GRAMD1C: variants seen among roughly 807,000 people sequenced by gnomAD.
GRAMD1C encodes GRAM domain containing 1C.
Under a neutral mutation model 97.8 loss-of-function variants are expected in GRAMD1C, and 89 were observed. That is an observed-to-expected ratio of 0.91 (90% CI 0.77 to 1.09). The LOEUF is 1.09. GRAMD1C is among the 50% of genes least tolerant of loss of function. The pLI, the probability that GRAMD1C is intolerant of heterozygous loss-of-function variation, is 0.00. For missense variants in GRAMD1C, 740 were observed against 766.4 expected (o/e 0.97, Z 0.41); for synonymous variants, 256 against 267.0 (o/e 0.96, Z 0.40).
chr3:113,924,000 A>G (rs182868221), intron 10 of GRAMD1C, among the ~76,000 whole-genome samples: 41 of 150,726 alleles, frequency 2.7e-4, no homozygotes, highest in Middle Eastern at 3.4e-3. Context: ...TCCTGGCTCA[A>G]TCTTGGGAGG....
chr3:113,899,605 A>G (rs998859176), intron 6 of GRAMD1C, among the ~76,000 whole-genome samples: 1 of 152,216 alleles, frequency 6.6e-6, no homozygotes, highest in Non-Finnish European at 1.5e-5. Flanking sequence ...CTTACTAACA[A>G]TTGCTTCAAG....
chr3:113,888,614 A>G (rs898227025), intron 6 of GRAMD1C, among the ~76,000 whole-genome samples: 19 of 152,228 alleles, frequency 1.2e-4, no homozygotes, highest in African/African-American at 4.1e-4. Flanking sequence ...CAAGTTGTAT[A>G]CCTTAAATAT....
intron 2 of GRAMD1C, among the ~76,000 whole-genome samples, chr3:113,867,665 C>G (rs1391006660): frequency 6.6e-6 from 1 of 152,108 alleles, no homozygotes; most frequent in Non-Finnish European, 1.5e-5. Flanking sequence ...GAGTCACCCG[C>G]AAATTATACT....
At chr3:113,880,408 G>A (rs968257083) in intron 5 of GRAMD1C, among the ~76,000 whole-genome samples, 1 of 151,096 alleles carries the variant, frequency 6.6e-6, no homozygotes, top group African/African-American at 2.4e-5. Flanking sequence ...GTTGTTTTTC[G>A]GCTCTCCTTT....
intron 10 of GRAMD1C, chr3:113,920,129 C>G: frequency 7.2e-7 from 1 of 1,396,980 alleles, no homozygotes; most frequent in Non-Finnish European, 1.0e-6. Flanking sequence ...ACTGAGGAAA[C>G]AGAGAAAAAA....
rs1459879022 is a variant in GRAMD1C at position 113,844,740 on chromosome 3, T to C, written c.174+91T>C. On this transcript the variant is annotated intron_variant, in intron 2 of 17. Coordinates refer to ENST00000358160, the MANE Select transcript of GRAMD1C (RefSeq NM_017577.5). ...TCATATAGTATTTGTAAAATTTCCT[T>C]CTTAGCTTCTAGATTTTAGATGTTT... The C allele has an allele frequency of 5.7e-6, 5 of 871,036 alleles. No individual in the cohort carries two copies. In the East Asian group the frequency reaches 8.1e-5, roughly 14 times the overall value. The allele number at this position is 871,036 out of a possible 1,614,324, so 54.0% of individuals were successfully genotyped here. A position where few individuals can be genotyped will look rare whatever the true frequency, so the allele number is the denominator to read the frequency against.
intron 9 of GRAMD1C, among the ~76,000 whole-genome samples, chr3:113,913,853 G>A (rs1936703693): frequency 6.6e-6 from 1 of 152,186 alleles, no homozygotes; most frequent in Non-Finnish European, 1.5e-5. Context: ...ATGAACTGAA[G>A]TGACATTTGA....
At chr3:113,924,684 T>A (rs1015679785) in intron 10 of GRAMD1C, among the ~76,000 whole-genome samples, 2 of 152,194 alleles carry the variant, frequency 1.3e-5, no homozygotes, top group African/African-American at 4.8e-5. Flanking sequence ...GTTTAATGGC[T>A]GATTGTGTGG....
intron 6 of GRAMD1C, among the ~76,000 whole-genome samples, chr3:113,895,618 T>C (rs1935906763): frequency 6.6e-6 from 1 of 152,212 alleles, no homozygotes; most frequent in South Asian, 2.1e-4. Flanking sequence ...AAAAAATGAA[T>C]ATGAAATTGG....
In GRAMD1C at chr3:113,838,889, G is replaced by A; in HGVS notation, c.-21G>A. The A allele has an allele frequency of 8.1e-7, 1 of 1,231,300 alleles. No individual in the cohort carries two copies. Among genetic ancestry groups the A allele is most frequent in the Non-Finnish European group, 1.0e-6 (1 of 986,022 alleles). The allele number at this position is 1,231,300 out of a possible 1,614,324, so 76.3% of individuals were successfully genotyped here. A position where few individuals can be genotyped will look rare whatever the true frequency, so the allele number is the denominator to read the frequency against. On this transcript the variant is annotated 5_prime_UTR_variant, in exon 1 of 18. Coordinates refer to ENST00000358160, the MANE Select transcript of GRAMD1C (RefSeq NM_017577.5). ...GGTGCGGTGCGCGCGGGGCGGTGCC[G>A]CGGCGGCGGAGGGAGCCGCGATGGA... is the stretch of plus-strand genomic sequence containing the variant.
intron 11 of GRAMD1C, among the ~76,000 whole-genome samples, chr3:113,931,538 T>C (rs368297066): frequency 6.6e-5 from 10 of 152,158 alleles, no homozygotes; most frequent in African/African-American, 2.4e-4. Flanking sequence ...TTTGTATTTT[T>C]AGTAGAGACG....
At chr3:113,850,463 G>T in intron 2 of GRAMD1C, 1 of 1,442,176 alleles carries the variant, frequency 6.9e-7, no homozygotes. Flanking sequence ...TAGGGTGGCA[G>T]CACAGTCTCC....
At chr3:113,877,422 G>A (rs1935089484) in intron 5 of GRAMD1C, among the ~76,000 whole-genome samples, 1 of 152,158 alleles carries the variant, frequency 6.6e-6, no homozygotes, top group African/African-American at 2.4e-5. Flanking sequence ...AACAGACTCA[G>A]TTCAGGATTA....
In GRAMD1C at chr3:113,934,488, T is replaced by C; in HGVS notation, c.1409T>C (p.Ile470Thr). The change falls in exon 13 of 18, where the codon ATT (isoleucine) becomes ACT (threonine). Residue 470 changes from isoleucine to threonine, a missense_variant. Ile to Thr is a moderately conservative substitution (Grantham distance 89). Transcript: ENST00000358160. ...KQPWGLVKSL[I>T]EKNSWSSLED... The stretch of plus-strand genomic sequence containing the variant: ...CCATGGGGCCTTGTCAAATCTTTAA[T>C]TGAAAAGAATTCCTGGAGTTCTTTG... 6.3e-7 allele frequency: 1 copy of C among 1,591,376 alleles called. No homozygotes were observed. The highest frequency in any genetic ancestry group is 8.6e-7 in the Non-Finnish European group (1 of 1,164,902).
At chr3:113,891,869 A>G (rs561818182) in intron 6 of GRAMD1C, among the ~76,000 whole-genome samples, 131 of 152,080 alleles carry the variant, frequency 8.6e-4, no homozygotes, top group African/African-American at 3.1e-3. Context: ...CCTGGTTGAC[A>G]GAGTGAGACA....
chr3:113,879,344 CTA>C (rs776079136), intron 5 of GRAMD1C, among the ~76,000 whole-genome samples: 8 of 152,174 alleles, frequency 5.3e-5, no homozygotes, highest in Non-Finnish European at 1.0e-4. Context: ...CAGTTTGTCA[CTA>C]TGTGTGGTTG....
At chr3:113,875,748 G>T in intron 4 of GRAMD1C, 161 bp downstream of exon 4, 1 of 465,522 alleles carries the variant, frequency 2.1e-6, no homozygotes, top group Non-Finnish European at 3.8e-6. Context: ...ATATATAAGT[G>T]TATAATATAT....
intron 2 of GRAMD1C, among the ~76,000 whole-genome samples, chr3:113,849,031 C>T (rs1344199308): frequency 6.6e-6 from 1 of 152,052 alleles, no homozygotes; most frequent in Non-Finnish European, 1.5e-5. Flanking sequence ...GACTTACTTT[C>T]TTCTTGGCTA....
intron 10 of GRAMD1C, among the ~76,000 whole-genome samples, chr3:113,920,880 C>T (rs1937021632): frequency 6.6e-6 from 1 of 152,140 alleles, no homozygotes; most frequent in Admixed American, 6.5e-5. Context: ...TCTTTTAAAT[C>T]ATTGTTTACA....
Sources: allele counts gnomAD v4.1 joint callset (sites outside exome capture counted in the v4.1 genomes callset), GRCh38; gene constraint gnomAD v4.1.1; transcripts MANE v1.5; gene names NCBI Gene and HGNC (gene_info 2026-07-23, HGNC 2026-07-21).